GON4L: variants seen among roughly 807,000 people sequenced by gnomAD.
GON4L encodes the protein GON-4-like protein.
In GON4L, 87 loss-of-function variants were observed where a neutral mutation model predicts 211.8. The ratio of observed to expected loss-of-function variants is 0.41; its 90% CI spans 0.35 to 0.49. The LOEUF (loss-of-function observed/expected upper bound fraction) is 0.49. Ranked by LOEUF, GON4L falls within the 20% of genes least tolerant of loss-of-function variation. The pLI is 0.15. For missense variants in GON4L, 2,155 were observed against 2,659.5 expected (o/e 0.81, Z 4.17); for synonymous variants, 875 against 962.6 (o/e 0.91, Z 1.68).
chr1:155,829,609 C>A (rs976559195), intron 2 of GON4L, among the ~76,000 whole-genome samples: 1 of 152,126 alleles, frequency 6.6e-6, no homozygotes. Flanking sequence ...GAGCGAGGCA[C>A]TGTCTCCAAA....
At chr1:155,754,333 C>A in intron 28 of GON4L, 42 bp downstream of exon 28, 1 of 1,166,426 alleles carries the variant, frequency 8.6e-7, no homozygotes, top group Admixed American at 1.7e-5. Context: ...AACAATCCCC[C>A]AGCAGCTCTG....
At chr1:155,747,751 C>A (rs560973077), downstream of GON4L, 4 of 1,613,736 alleles carry the variant, frequency 2.5e-6, no homozygotes, top group Non-Finnish European at 3.4e-6. Context: ...TCGTCACTCA[C>A]CCCCGCCCAG....
intron 2 of GON4L, among the ~76,000 whole-genome samples, chr1:155,827,537 A>G (rs542284043): frequency 1.3e-5 from 2 of 151,996 alleles, no homozygotes; most frequent in Non-Finnish European, 2.9e-5. Flanking sequence ...AAAGACAGAG[A>G]AAAAAGGGGT....
At chr1:155,792,263 C>T (rs1257079193) in intron 12 of GON4L, among the ~76,000 whole-genome samples, 2 of 151,866 alleles carry the variant, frequency 1.3e-5, no homozygotes, top group Non-Finnish European at 2.9e-5. Flanking sequence ...TTTAGTTATC[C>T]ATATAAGGAT....
At chr1:155,756,589 A>T (rs1217575930) in intron 27 of GON4L, 1 of 223,552 alleles carries the variant, frequency 4.5e-6, no homozygotes, top group African/African-American at 2.3e-5. Context: ...GCAAGGCTTG[A>T]TTCATGAAAC....
In GON4L at chr1:155,766,546, C is replaced by G. The variant is rs75345940; in HGVS notation, c.2927G>C (p.Gly976Ala). 6.2e-7 allele frequency: 1 copy of G among 1,614,062 alleles called. No homozygotes were observed. Among genetic ancestry groups the G allele is most frequent in the East Asian group, 2.2e-5 (1 of 44,876 alleles). Residue 976 changes from glycine to alanine, a missense_variant, in exon 21 of 32, where the codon GGT becomes GCT. Coordinates refer to ENST00000368331, the MANE Select transcript of GON4L (RefSeq NM_001282860.2). ...AACTGGCTTCAGTTTCAGGACTACA[C>G]CCTTAGGCAATAGCAGTGGGTACCG... ...ESRYPLLLPK[G>A]VVLKLKPVAT...
At chr1:155,813,154 A>T (rs1667944344) in intron 10 of GON4L, among the ~76,000 whole-genome samples, 1 of 152,138 alleles carries the variant, frequency 6.6e-6, no homozygotes, top group South Asian at 2.1e-4. Context: ...ATTCTCAGCC[A>T]GGCACGGTGG....
chr1:155,844,381 T>C (rs1189849654), intron 2 of GON4L, among the ~76,000 whole-genome samples: 1 of 152,142 alleles, frequency 6.6e-6, no homozygotes, highest in Non-Finnish European at 1.5e-5. Flanking sequence ...GAGGTTAACA[T>C]TCAAAAGTTC....
intron 24 of GON4L, among the ~76,000 whole-genome samples, chr1:155,759,231 G>A (rs1482817335): frequency 6.6e-6 from 1 of 152,012 alleles, no homozygotes; most frequent in Non-Finnish European, 1.5e-5. Context: ...CCAAAGTGCT[G>A]GGATAACAGG....
chr1:155,746,964 G>A (rs745733692), downstream of GON4L: 8 of 1,601,538 alleles, frequency 5.0e-6, no homozygotes, highest in East Asian at 8.9e-5. Flanking sequence ...CATTTTAAAT[G>A]TCTTAGAATG....
In GON4L at chr1:155,766,076, G is replaced by A. The variant is rs746393496; in HGVS notation, c.3397C>T (p.Pro1133Ser). ...RGVKASPCMK[P>S]APVIHHPASV... ...GCAGGGTGGTGGATAACAGGGGCAG[G>A]TTTCATACAGGGAGAGGCCTTGACT... is the stretch of plus-strand genomic sequence containing the variant. The change falls in exon 21 of 32, where the codon CCT (proline) becomes TCT (serine). Residue 1133 changes from proline to serine, a missense_variant. Pro to Ser is a moderately conservative substitution (Grantham distance 74). Around this residue, in one of 6 missense-constraint regions of GON4L, gnomAD observed 615 missense variants for 625.7 expected, o/e 0.98. Coordinates refer to ENST00000368331, the MANE Select transcript of GON4L (RefSeq NM_001282860.2). The A allele has an allele frequency of 6.2e-7, 1 of 1,614,178 alleles. No homozygotes were observed. The highest frequency in any genetic ancestry group is 8.5e-7 in the Non-Finnish European group (1 of 1,180,030).
rs545835699 is a variant in GON4L at position 155,817,922 on chromosome 1, T to C, written c.1015-1660A>G. Among the ~76,000 whole-genome samples the C allele has an allele frequency of 1.2e-4, 14 of 116,638 alleles. No homozygotes were observed. In the South Asian group the frequency reaches 3.4e-3, roughly 29 times the overall value. The allele number at this position is 116,638 out of a possible 152,430, so 76.5% of individuals were successfully genotyped here. On this transcript the variant is annotated intron_variant, in intron 6 of 31. Coordinates refer to ENST00000368331, the MANE Select transcript of GON4L (RefSeq NM_001282860.2). Reference sequence around the variant, plus strand: ...TAGCCTGAGCAACAGAGCAAGTCACTGAAAAAAAAAAAAAAAAAAAGAAAG... The same window carrying C: ...TAGCCTGAGCAACAGAGCAAGTCACCGAAAAAAAAAAAAAAAAAAAGAAAG...
At chr1:155,796,754 T>C (rs1666106445) in intron 11 of GON4L, among the ~76,000 whole-genome samples, 1 of 152,112 alleles carries the variant, frequency 6.6e-6, no homozygotes, top group Non-Finnish European at 1.5e-5. Context: ...ATACATGTAT[T>C]GTATTGTATC....
chr1:155,858,637 T>TTG (rs67329999), upstream of GON4L, among the ~76,000 whole-genome samples: 3 of 57,040 alleles, frequency 5.3e-5, no homozygotes, highest in East Asian at 4.6e-3. Context: ...TCATTAGTTG[T>TTG]TTTTTTTTTT....
At chr1:155,754,291 A>T in intron 28 of GON4L, 84 bp downstream of exon 28, 1 of 843,094 alleles carries the variant, frequency 1.2e-6, no homozygotes, top group Non-Finnish European at 2.1e-6. Flanking sequence ...GTGCCTTTTT[A>T]GGAATTCAGT....
chr1:155,839,184 G>A (rs1670568094), intron 2 of GON4L, among the ~76,000 whole-genome samples: 1 of 152,096 alleles, frequency 6.6e-6, no homozygotes, highest in Non-Finnish European at 1.5e-5. Flanking sequence ...AGTAAGTAGG[G>A]GAGAGATAGG....
At chr1:155,808,153 C>T (rs1177006443) in intron 10 of GON4L, among the ~76,000 whole-genome samples, 1 of 151,934 alleles carries the variant, frequency 6.6e-6, no homozygotes, top group African/African-American at 2.4e-5. Flanking sequence ...TCTCCTGCCT[C>T]AGCCTCCTAA....
chr1:155,764,807 A>T (rs952499401), intron 21 of GON4L, 193 bp downstream of exon 21: 2 of 1,395,618 alleles, frequency 1.4e-6, no homozygotes, highest in Non-Finnish European at 2.0e-6. Flanking sequence ...CGAGTTTAAT[A>T]TAATAAGTAA....
intron 18 of GON4L, among the ~76,000 whole-genome samples, chr1:155,772,568 C>T (rs369528718): frequency 4.6e-4 from 67 of 146,348 alleles, no homozygotes; most frequent in African/African-American, 1.6e-3. Context: ...GCCTGGATAA[C>T]ACAGAGAGAC....
Sources: allele counts gnomAD v4.1 joint callset (sites outside exome capture counted in the v4.1 genomes callset), GRCh38; gene constraint gnomAD v4.1.1; regional missense constraint gnomAD v4.1.1; transcripts MANE v1.5; gene names NCBI Gene and HGNC (gene_info 2026-07-23, HGNC 2026-07-21).